Variants in FAM13A observed in about 807,000 individuals in gnomAD.
The protein encoded by FAM13A is family with sequence similarity 13 member A.
In FAM13A, 76 loss-of-function variants were observed where a neutral mutation model predicts 129.6. The observed-to-expected ratio is 0.59, with a 90% CI of 0.49 to 0.71. The LOEUF is 0.71. Ranked by LOEUF, FAM13A falls within the 30% of genes least tolerant of loss-of-function variation. The probability of loss-of-function intolerance (pLI) is 0.00; values close to 1 mark genes in which losing one functional copy is unlikely to be tolerated. For missense variants in FAM13A, 1,108 were observed against 1,249.3 expected (o/e 0.89, Z 1.70); for synonymous variants, 443 against 449.9 (o/e 0.98, Z 0.20).
At chr4:89,042,401 C>T (rs1462104883) in intron 1 of FAM13A, among the ~76,000 whole-genome samples, 1 of 152,026 alleles carries the variant, frequency 6.6e-6, no homozygotes, top group Non-Finnish European at 1.5e-5. Flanking sequence ...TTACTGAATA[C>T]GTTGTTAAAT....
rs1753952900 is a variant in FAM13A, at chr4:88,936,943, TA to T, written c.759+1144del. 3 of 152,326 alleles carry T rather than the reference TA, an allele frequency of 2.0e-5. No homozygotes were observed. In the South Asian group the frequency reaches 6.2e-4, roughly 32 times the overall value. The allele number at this position is 152,326 out of a possible 1,614,324, so 9.4% of individuals were successfully genotyped here. ...ATCCTTTTCAAAGTACCATAGGCAC[TA>T]GAGGAACAAACTTGAGGGCGATTTT... On this transcript the variant is annotated intron_variant, in intron 5 of 23. Transcript: ENST00000264344.
intron 6 of FAM13A, among the ~76,000 whole-genome samples, chr4:88,902,553 T>C (rs921271565): frequency 6.6e-6 from 1 of 151,994 alleles, no homozygotes; most frequent in African/African-American, 2.4e-5. Flanking sequence ...TTGATAAAAT[T>C]CAACATACTT....
intron 7 of FAM13A, among the ~76,000 whole-genome samples, chr4:88,812,709 C>T (rs1430031565): frequency 6.6e-6 from 1 of 152,108 alleles, no homozygotes; most frequent in Non-Finnish European, 1.5e-5. Flanking sequence ...CACTGAAATT[C>T]ATGAGCTCAG....
intron 10 of FAM13A, 24 bp downstream of exon 10, chr4:88,787,729 G>A (rs1724252361): frequency 6.2e-7 from 1 of 1,605,988 alleles, no homozygotes; most frequent in East Asian, 2.2e-5. Context: ...ACTCAAGTAA[G>A]AGGAAGAATC....
chr4:88,908,248 A>AC (rs1288331548), intron 5 of FAM13A, among the ~76,000 whole-genome samples: 1 of 152,220 alleles, frequency 6.6e-6, no homozygotes, highest in African/African-American at 2.4e-5. Flanking sequence ...CTTCTGACTC[A>AC]CTGTGAGAGG....
At chr4:88,854,827 A>C (rs1738222698) in intron 6 of FAM13A, among the ~76,000 whole-genome samples, 1 of 152,242 alleles carries the variant, frequency 6.6e-6, no homozygotes, top group Admixed American at 6.5e-5. Flanking sequence ...TGGGAATAAA[A>C]ACAAATGAAT....
At position 88,837,144 on chromosome 4, in the gene FAM13A, G is replaced by A. The variant is rs1384397365; in HGVS notation, c.1007+13876C>T. 6.0e-5 allele frequency among the ~76,000 whole-genome samples: 9 copies of A among 150,386 alleles called. No individual in the cohort carries two copies. In the East Asian group the frequency reaches 1.9e-3, roughly 32 times the overall value. On this transcript the variant is annotated intron_variant, in intron 7 of 23. Coordinates refer to ENST00000264344, the MANE Select transcript of FAM13A (RefSeq NM_014883.4). ...TGAGTAGCTGGGATTACAGGCATGC[G>A]CCACCATGCCTGGCTAATTTTGTAT...
rs1763064898 is a variant in FAM13A at position 88,992,761 on chromosome 4, T to C, written c.428-1611A>G. 2.0e-5 allele frequency among the ~76,000 whole-genome samples: 3 copies of C among 152,126 alleles called. No homozygotes were observed. The South Asian group carries it at 6.2e-4, about 32-fold the overall frequency. On this transcript the variant is annotated intron_variant, in intron 3 of 23. Transcript: ENST00000264344. ...AGTTTTGTGACTTTGTATAATGCTT[T>C]CTCTCAGAAGAAAATAAAAATATTT... is the stretch of plus-strand genomic sequence containing the variant.
intron 3 of FAM13A, among the ~76,000 whole-genome samples, chr4:89,010,300 G>A (rs151157020): frequency 6.6e-6 from 1 of 152,164 alleles, no homozygotes; most frequent in African/African-American, 2.4e-5. Context: ...TTATCCCCAG[G>A]CTTTGTACCG....
chr4:88,990,703 C>T (rs528280351), intron 4 of FAM13A: 30 of 316,774 alleles, frequency 9.5e-5, no homozygotes, highest in African/African-American at 6.2e-4. Flanking sequence ...TTTAAATGCC[C>T]CTTTTAATTA....
Position 89,020,560 on chromosome 4 carries a change from A to C in FAM13A, c.327T>G (p.Asp109Glu). 6.2e-7 allele frequency: 1 copy of C among 1,614,124 alleles called. No homozygotes were observed. The highest frequency in any genetic ancestry group is 8.5e-7 in the Non-Finnish European group (1 of 1,180,008). The change falls in exon 3 of 24, where the codon GAT becomes GAG. Residue 109 changes from aspartate (D) to glutamate (E), a missense_variant. Coordinates refer to ENST00000264344, the MANE Select transcript of FAM13A (RefSeq NM_014883.4). ...GVPVELGKDG[D>E]VCSAASLLKL... is the part of the protein sequence containing the mutation. ...TCAACAGACTGGCTGCTGAGCAGAC[A>C]TCACCGTCCTTCCCGAGCTCCACGG... is the stretch of plus-strand genomic sequence containing the variant.
At chr4:88,912,050 T>C (rs1749162080) in intron 5 of FAM13A, among the ~76,000 whole-genome samples, 1 of 152,274 alleles carries the variant, frequency 6.6e-6, no homozygotes, top group Non-Finnish European at 1.5e-5. Flanking sequence ...ATTCTTGAAT[T>C]ACTGTCTTCT....
intron 1 of FAM13A, among the ~76,000 whole-genome samples, chr4:89,037,266 C>A (rs1424502400): frequency 6.6e-6 from 1 of 152,222 alleles, no homozygotes; most frequent in East Asian, 1.9e-4. Flanking sequence ...GGAGCCCACA[C>A]CTTGCATCAG....
At chr4:88,910,203 T>C (rs1429731915) in intron 5 of FAM13A, among the ~76,000 whole-genome samples, 1 of 152,180 alleles carries the variant, frequency 6.6e-6, no homozygotes, top group African/African-American at 2.4e-5. Context: ...TATACTTATT[T>C]TAAACATTTG....
At chr4:88,833,143 AC>A (rs1475280125) in intron 7 of FAM13A, among the ~76,000 whole-genome samples, 1 of 152,226 alleles carries the variant, frequency 6.6e-6, no homozygotes, top group African/African-American at 2.4e-5. Flanking sequence ...AAAATCAAAT[AC>A]CAAATGTTCT....
intron 11 of FAM13A, 85 bp from the exon 12 acceptor site, chr4:88,768,144 C>A (rs1455812085): frequency 2.8e-6 from 2 of 711,404 alleles, no homozygotes; most frequent in East Asian, 2.7e-5. Flanking sequence ...ATAGAAAAAT[C>A]AAATAATATG....
intron 6 of FAM13A, among the ~76,000 whole-genome samples, chr4:88,884,236 A>G (rs1165816423): frequency 2.0e-5 from 3 of 152,294 alleles, no homozygotes; most frequent in South Asian, 4.1e-4. Flanking sequence ...AATATCCCTG[A>G]TGAACACAGA....
chr4:88,728,275 G>A lies in FAM13A; in HGVS notation c.*258C>T, dbSNP rs761658148. 5.6e-5 allele frequency: 29 copies of A among 514,730 alleles called. No homozygotes were observed. Among genetic ancestry groups the A allele is most frequent in the Non-Finnish European group, 8.5e-5 (24 of 283,192 alleles). The allele number at this position is 514,730 out of a possible 1,614,324, so 31.9% of individuals were successfully genotyped here. On this transcript the variant is annotated 3_prime_UTR_variant, in exon 24 of 24. Coordinates refer to ENST00000264344, the MANE Select transcript of FAM13A (RefSeq NM_014883.4). ...GCTCCACTACTGTGTGTGTGTGTGC[G>A]TGCATGCGCGTGCGCATGTGCACAT...
chr4:89,014,374 T>C (rs1766174526), intron 3 of FAM13A, among the ~76,000 whole-genome samples: 1 of 152,244 alleles, frequency 6.6e-6, no homozygotes, highest in African/African-American at 2.4e-5. Flanking sequence ...ATTCTTATTT[T>C]TTAAAAAGTA....
Sources: gnomAD v4.1 joint callset for allele counts (sites outside exome capture counted in the v4.1 genomes callset) on GRCh38, gnomAD v4.1.1 for gene constraint, MANE v1.5 for transcripts, NCBI Gene and HGNC (gene_info 2026-07-23, HGNC 2026-07-21) for gene names.